OPCML: variants seen among roughly 807,000 people sequenced by gnomAD.
The protein encoded by OPCML is opioid binding protein/cell adhesion molecule like, also known as opioid-binding protein/cell adhesion molecule.
In OPCML, 13 loss-of-function variants were observed where a neutral mutation model predicts 37.8. The observed-to-expected ratio is 0.34, with a 90% confidence interval of 0.22 to 0.55. The LOEUF is 0.55. OPCML is among the 20% of genes least tolerant of loss of function. The pLI is 0.91. For missense variants in OPCML, 341 were observed against 435.6 expected (o/e 0.78, Z 1.93); for synonymous variants, 176 against 168.8 (o/e 1.04, Z -0.33).
chr11:133,121,338 T>C (rs934345880), intron 1 of OPCML, among the ~76,000 whole-genome samples: 2 of 152,236 alleles, frequency 1.3e-5, no homozygotes, highest in African/African-American at 4.8e-5. Flanking sequence ...TTCTACTCTG[T>C]CAGTCATCAA....
intron 1 of OPCML, among the ~76,000 whole-genome samples, chr11:133,303,805 C>A (rs541423613): frequency 2.0e-5 from 3 of 152,034 alleles, no homozygotes; most frequent in Non-Finnish European, 4.4e-5. Context: ...GTGGAAGACA[C>A]TGTTGAATAG....
chr11:132,674,604 TG>T (rs1232736055), intron 2 of OPCML, among the ~76,000 whole-genome samples: 1 of 152,234 alleles, frequency 6.6e-6, no homozygotes, highest in African/African-American at 2.4e-5. Flanking sequence ...AGACAACTTT[TG>T]GTGACTTTGA....
chr11:133,189,551 A>C (rs147544376), intron 1 of OPCML, among the ~76,000 whole-genome samples: 1 of 152,210 alleles, frequency 6.6e-6, no homozygotes, highest in Non-Finnish European at 1.5e-5. Context: ...AATACTGAGA[A>C]GTCAGGTTGT....
In OPCML at chr11:133,307,149, T is replaced by C. The variant is rs549986504; in HGVS notation, c.61+225115A>G. Among the ~76,000 whole-genome samples the C allele has an allele frequency of 4.6e-5, 7 of 152,200 alleles. No individual in the cohort carries two copies. The East Asian group carries it at 1.4e-3, about 29-fold the overall frequency. ...TCATAGGCATAGCACTTCACAACAT[T>C]TATACATCCATTTCGAAAGTAAAAG... On this transcript the variant is annotated intron_variant, in intron 1 of 7. Coordinates refer to ENST00000524381, the MANE Select transcript of OPCML (RefSeq NM_001012393.5).
chr11:133,231,777 A>G (rs1044961193), intron 1 of OPCML, among the ~76,000 whole-genome samples: 3 of 152,202 alleles, frequency 2.0e-5, no homozygotes, highest in Non-Finnish European at 4.4e-5. Context: ...ATTAAATGAG[A>G]CCACACATGT....
chr11:132,619,114 A>G (rs1415286662), intron 3 of OPCML, among the ~76,000 whole-genome samples: 1 of 152,040 alleles, frequency 6.6e-6, no homozygotes, highest in Non-Finnish European at 1.5e-5. Context: ...ACCTGATCTA[A>G]AAACACCTCC....
At chr11:132,760,613 G>A (rs939237711) in intron 2 of OPCML, among the ~76,000 whole-genome samples, 8 of 150,482 alleles carry the variant, frequency 5.3e-5, no homozygotes, top group South Asian at 2.1e-4. Context: ...TCAGAGACTA[G>A]GATTGCAACA....
chr11:132,975,637 C>T (rs1028987293), intron 1 of OPCML, among the ~76,000 whole-genome samples: 5 of 136,158 alleles, frequency 3.7e-5, no homozygotes, highest in Non-Finnish European at 7.7e-5. Context: ...ATCTATTTTT[C>T]TGGAAATTCT....
At chr11:132,548,267 C>T (rs1035384089) in intron 3 of OPCML, among the ~76,000 whole-genome samples, 2 of 152,232 alleles carry the variant, frequency 1.3e-5, no homozygotes, top group Middle Eastern at 6.8e-3. Context: ...AGAAAGTAGG[C>T]TCTAAAGGAA....
At chr11:133,358,443 G>A (rs753725914) in intron 1 of OPCML, among the ~76,000 whole-genome samples, 47 of 152,292 alleles carry the variant, frequency 3.1e-4, no homozygotes, top group Admixed American at 5.9e-4. Context: ...CATCATGCCT[G>A]TGCTATTGGA....
chr11:132,912,601 A>G lies in OPCML; in HGVS notation c.146+30325T>C, dbSNP rs190431328. ...AAACTCTAAAATGGATTAGAAAAAT[A>G]TCACCAAGACAACCCCTATGACAGC... On this transcript the variant is annotated intron_variant, in intron 2 of 7. Transcript: ENST00000524381. Among the ~76,000 whole-genome samples the G allele has an allele frequency of 1.7e-3, 253 of 152,378 alleles. 2 individuals are homozygous for G. The highest frequency in any genetic ancestry group is 5.8e-3 in the African/African-American group (242 of 41,588).
intron 4 of OPCML, among the ~76,000 whole-genome samples, chr11:132,523,550 G>A (rs140837207): frequency 2.0e-5 from 3 of 150,930 alleles, no homozygotes; most frequent in African/African-American, 7.3e-5. Flanking sequence ...CTAAAAGACA[G>A]GTGCACTGAC....
intron 3 of OPCML, among the ~76,000 whole-genome samples, chr11:132,653,487 G>A (rs938047204): frequency 3.3e-5 from 5 of 152,090 alleles, no homozygotes; most frequent in Admixed American, 1.3e-4. Flanking sequence ...CCCTTGCTCC[G>A]GATTTCCTCC....
At chr11:132,693,660 T>C (rs965341420) in intron 2 of OPCML, among the ~76,000 whole-genome samples, 1 of 152,230 alleles carries the variant, frequency 6.6e-6, no homozygotes, top group African/African-American at 2.4e-5. Context: ...CTCCAGATTA[T>C]AATTGCCAAT....
At chr11:132,447,283 A>C (rs2096057874) in intron 4 of OPCML, among the ~76,000 whole-genome samples, 1 of 152,038 alleles carries the variant, frequency 6.6e-6, no homozygotes, top group African/African-American at 2.4e-5. Context: ...GCCAGTTGAC[A>C]CCTGTCTTCC....
chr11:132,492,544 G>C (rs1168966856), intron 4 of OPCML, among the ~76,000 whole-genome samples: 1 of 152,050 alleles, frequency 6.6e-6, no homozygotes, highest in African/African-American at 2.4e-5. Flanking sequence ...TGTTTTAACT[G>C]GGGGAGAATG....
At chr11:132,749,930 T>C (rs1407199544) in intron 2 of OPCML, among the ~76,000 whole-genome samples, 1 of 152,190 alleles carries the variant, frequency 6.6e-6, no homozygotes, top group Non-Finnish European at 1.5e-5. Context: ...TTGCCCAGGC[T>C]GGAGTGCCAT....
At chr11:133,494,308 T>C (rs1309084426) in intron 1 of OPCML, among the ~76,000 whole-genome samples, 1 of 151,854 alleles carries the variant, frequency 6.6e-6, no homozygotes, top group East Asian at 1.9e-4. Context: ...TGGAAGTCAG[T>C]GTGGCGATTC....
chr11:132,739,302 C>T (rs1393390288), intron 2 of OPCML, among the ~76,000 whole-genome samples: 1 of 152,308 alleles, frequency 6.6e-6, no homozygotes, highest in South Asian at 2.1e-4. Flanking sequence ...TTCCTTCCCA[C>T]GTGTTTGCAT....
Sources: gnomAD v4.1 joint callset for allele counts (sites outside exome capture counted in the v4.1 genomes callset) on GRCh38, gnomAD v4.1.1 for gene constraint, MANE v1.5 for transcripts, NCBI Gene and HGNC (gene_info 2026-07-23, HGNC 2026-07-21) for gene names.